CDH12: variants seen among roughly 807,000 people sequenced by gnomAD.
The protein encoded by CDH12 is cadherin-12.
A neutral mutation model predicts 74.1 loss-of-function variants in CDH12; 41 were observed. That is an observed-to-expected ratio of 0.55 (90% CI 0.43 to 0.72). CDH12 has a LOEUF of 0.72. Ranked by LOEUF, CDH12 falls within the 30% of genes least tolerant of loss-of-function variation. The pLI is 0.00. For synonymous variants in CDH12, 399 were observed against 355.0 expected, an observed-to-expected ratio of 1.12 and a Z score of -1.39; for missense variants, 945 against 977.2, an observed-to-expected ratio of 0.97 and a Z score of 0.44.
At chr5:22,672,978 A>G (rs1308424184) in intron 1 of CDH12, among the ~76,000 whole-genome samples, 2 of 151,978 alleles carry the variant, frequency 1.3e-5, no homozygotes, top group Non-Finnish European at 2.9e-5. Flanking sequence ...TAATTTCTTA[A>G]TTGCTGTAAT....
At chr5:22,093,035 CTGA>C (rs1349037272) in intron 4 of CDH12, among the ~76,000 whole-genome samples, 2 of 152,002 alleles carry the variant, frequency 1.3e-5, no homozygotes, top group South Asian at 2.1e-4. Flanking sequence ...CAGCATGGGG[CTGA>C]TGATAGGGGC....
intron 11 of CDH12, among the ~76,000 whole-genome samples, chr5:21,776,611 AT>A (rs1018717948): frequency 6.6e-5 from 10 of 152,116 alleles, no homozygotes; most frequent in South Asian, 6.2e-4. Flanking sequence ...TTGTGACTTC[AT>A]CTTCTATTTA....
chr5:22,832,911 C>T (rs147197084), intron 1 of CDH12, among the ~76,000 whole-genome samples: 60 of 152,260 alleles, frequency 3.9e-4, no homozygotes, highest in Middle Eastern at 3.4e-3. Context: ...GCATCTTCAG[C>T]GCCATTCAGG....
At chr5:22,389,966 A>G (rs77297396) in intron 3 of CDH12, among the ~76,000 whole-genome samples, 1 of 152,082 alleles carries the variant, frequency 6.6e-6, no homozygotes, top group East Asian at 1.9e-4. Context: ...ATTTTTAAAA[A>G]TTACATAAAG....
chr5:22,604,759 C>T (rs775873851), intron 1 of CDH12, among the ~76,000 whole-genome samples: 34 of 152,300 alleles, frequency 2.2e-4, no homozygotes, highest in Non-Finnish European at 4.7e-4. Context: ...TTGTGCTCAC[C>T]CACCTGGTGA....
At chr5:22,249,688 A>G (rs1413303852) in intron 3 of CDH12, among the ~76,000 whole-genome samples, 1 of 152,200 alleles carries the variant, frequency 6.6e-6, no homozygotes, top group East Asian at 1.9e-4. Context: ...CAAACATAGC[A>G]GGGCTAACCA....
At chr5:22,817,036 A>G (rs1749427753) in intron 1 of CDH12, among the ~76,000 whole-genome samples, 1 of 152,118 alleles carries the variant, frequency 6.6e-6, no homozygotes, top group Non-Finnish European at 1.5e-5. Flanking sequence ...ATCTAAATTG[A>G]TCTCCCTATA....
chr5:22,647,980 CTTA>C (rs994632852), intron 1 of CDH12, among the ~76,000 whole-genome samples: 1 of 151,756 alleles, frequency 6.6e-6, no homozygotes, highest in African/African-American at 2.4e-5. Context: ...ATTGCAATAT[CTTA>C]TTAATCAGCT....
intron 1 of CDH12, among the ~76,000 whole-genome samples, chr5:22,696,921 T>C (rs10041331): frequency 0.5 from 76,418 of 151,662 alleles, 19,830 homozygotes; most frequent in Non-Finnish European, 0.56. Flanking sequence ...CCTTGGTCTC[T>C]AGCACTGAAA....
At chr5:21,959,924 C>CAAAAA (rs1201352707) in intron 6 of CDH12, among the ~76,000 whole-genome samples, 2 of 49,768 alleles carry the variant, frequency 4.0e-5, no homozygotes, top group African/African-American at 6.2e-5. Context: ...GGCTCCATCT[C>CAAAAA]AAAAAAAAAA....
At chr5:22,062,988 T>G (rs1006038190) in intron 5 of CDH12, among the ~76,000 whole-genome samples, 3 of 152,120 alleles carry the variant, frequency 2.0e-5, no homozygotes, top group African/African-American at 7.2e-5. Flanking sequence ...AATAAAGGAA[T>G]GAACAATTGA....
chr5:22,341,071 T>C (rs528552225), intron 3 of CDH12, among the ~76,000 whole-genome samples: 2 of 152,354 alleles, frequency 1.3e-5, no homozygotes, highest in African/African-American at 4.8e-5. Context: ...ATTCTTACTA[T>C]AGTCTATATA....
intron 3 of CDH12, among the ~76,000 whole-genome samples, chr5:22,365,345 T>C (rs1490847175): frequency 6.6e-6 from 1 of 152,194 alleles, no homozygotes; most frequent in Non-Finnish European, 1.5e-5. Flanking sequence ...TCTCTAGTTT[T>C]TCAATAACGC....
intron 1 of CDH12, among the ~76,000 whole-genome samples, chr5:22,647,412 C>T (rs1463632677): frequency 6.6e-6 from 1 of 151,524 alleles, no homozygotes; most frequent in African/African-American, 2.4e-5. Flanking sequence ...GCTTGGTATG[C>T]CATAACAAAA....
chr5:22,500,898 T>C (rs553952435), intron 2 of CDH12, among the ~76,000 whole-genome samples: 1 of 152,088 alleles, frequency 6.6e-6, no homozygotes, highest in Non-Finnish European at 1.5e-5. Context: ...CCAAGAATTC[T>C]CTTCATCACT....
chr5:22,607,766 C>T (rs768499470), intron 1 of CDH12, among the ~76,000 whole-genome samples: 13 of 152,242 alleles, frequency 8.5e-5, no homozygotes, highest in Non-Finnish European at 1.9e-4. Flanking sequence ...ATCCTAGCTG[C>T]TCCAGCTATG....
intron 3 of CDH12, among the ~76,000 whole-genome samples, chr5:22,378,532 T>C (rs978198146): frequency 6.6e-6 from 1 of 152,040 alleles, no homozygotes; most frequent in African/African-American, 2.4e-5. Flanking sequence ...CAGATGAATA[T>C]AAAAGAGTAT....
At chr5:21,765,273 CT>C (rs1484047753) in intron 11 of CDH12, among the ~76,000 whole-genome samples, 174 bp from the exon 12 acceptor site, 9 of 152,010 alleles carry the variant, frequency 5.9e-5, no homozygotes, top group African/African-American at 2.2e-4. Context: ...TCCTTTTTAT[CT>C]TTAGAATTCA....
At chr5:22,433,205 A>C (rs1321966885) in intron 2 of CDH12, among the ~76,000 whole-genome samples, 2 of 151,842 alleles carry the variant, frequency 1.3e-5, no homozygotes, top group African/African-American at 4.8e-5. Context: ...TTTATTCCAG[A>C]TTGGTTTCTA....
Sources: allele counts gnomAD v4.1 joint callset (sites outside exome capture counted in the v4.1 genomes callset), GRCh38; gene constraint gnomAD v4.1.1; transcripts MANE v1.5; gene names NCBI Gene and HGNC (gene_info 2026-07-23, HGNC 2026-07-21).